The following MSH4 variants were observed in gnomAD, a reference collection of about 807,000 sequenced individuals.
The protein encoded by MSH4 is mutS homolog 4.
A neutral mutation model predicts 113.7 loss-of-function variants in MSH4; 106 were observed. That is an observed-to-expected ratio of 0.93 (90% CI 0.80 to 1.10). The LOEUF (loss-of-function observed/expected upper bound fraction) is 1.10, where lower values mean the gene tolerates loss of function less well. MSH4 is among the 50% of genes least tolerant of loss of function. The pLI, the probability that MSH4 is intolerant of heterozygous loss-of-function variation, is 0.00. For missense variants in MSH4, 1,061 were observed against 1,093.7 expected, an observed-to-expected ratio of 0.97 and a Z score of 0.42; for synonymous variants, 368 against 380.2, an observed-to-expected ratio of 0.97 and a Z score of 0.37.
intron 4 of MSH4, among the ~76,000 whole-genome samples, chr1:75,812,777 C>G (rs1047223499): frequency 6.6e-6 from 1 of 152,106 alleles, no homozygotes; most frequent in Non-Finnish European, 1.5e-5. Context: ...GGATAGGAGA[C>G]AGGGACCCTA....
Position 75,890,775 on chromosome 1 carries a change from A to G in MSH4, c.2306A>G (p.Glu769Gly). Residue 769 changes from glutamate to glycine, a missense_variant, in exon 17 of 20, where the codon GAA becomes GGA. Glu to Gly is a moderately conservative substitution (Grantham distance 98). Coordinates refer to ENST00000263187, the MANE Select transcript of MSH4 (RefSeq NM_002440.4). ...CTTGGCAGAGGTACTAATACGGAAGAAGGTATTGGCATTTGTTATGCTGTT... is the reference window on the plus strand; with the variant it reads ...CTTGGCAGAGGTACTAATACGGAAGGAGGTATTGGCATTTGTTATGCTGTT... ...DELGRGTNTE[E>G]GIGICYAVCE... 6.2e-7 allele frequency: 1 copy of G among 1,610,358 alleles called. No individual in the cohort carries two copies. The highest frequency in any genetic ancestry group is 8.5e-7 in the Non-Finnish European group (1 of 1,178,042).
intron 14 of MSH4, among the ~76,000 whole-genome samples, chr1:75,883,012 TA>T (rs1477390779): frequency 2.0e-5 from 3 of 152,004 alleles, no homozygotes; most frequent in Non-Finnish European, 4.4e-5. Flanking sequence ...TTTTTATTTT[TA>T]TTTTTTTTTG....
chr1:75,896,247 C>G (rs1380102278), intron 17 of MSH4, among the ~76,000 whole-genome samples: 1 of 151,990 alleles, frequency 6.6e-6, no homozygotes, highest in Non-Finnish European at 1.5e-5. Flanking sequence ...TCCATCAACT[C>G]TCTTGGGTCT....
chr1:75,797,710 TCACTTGAGGCCGGGAGTTC>T (rs1353707121), intron 1 of MSH4, among the ~76,000 whole-genome samples: 1 of 152,160 alleles, frequency 6.6e-6, no homozygotes, highest in East Asian at 1.9e-4. Context: ...GGTGGGCGGA[TCACTTGAGGCCGGGAGTTC>T]CACACCAGCC....
At chr1:75,899,507 C>T (rs1167291043) in intron 18 of MSH4, 111 bp from the exon 19 acceptor site, 1 of 548,074 alleles carries the variant, frequency 1.8e-6, no homozygotes, top group Non-Finnish European at 3.1e-6. Context: ...TCAGAAGTGC[C>T]TCTAGAAGGG....
intron 9 of MSH4, among the ~76,000 whole-genome samples, chr1:75,871,728 C>G (rs139199118): frequency 5.3e-5 from 8 of 152,130 alleles, no homozygotes; most frequent in Admixed American, 3.9e-4. Flanking sequence ...AACACTACTT[C>G]TAGAGATTTG....
rs376418789 is a variant in MSH4 at position 75,808,445 on chromosome 1, T to C, written c.588+1304T>C. Among the ~76,000 whole-genome samples the C allele has an allele frequency of 3.9e-4, 59 of 152,360 alleles. 1 individual carries two copies. The highest frequency in any genetic ancestry group is 1.4e-3 in the African/African-American group (58 of 41,584). Reference sequence around the variant, plus strand: ...GTGTAAAGTGGCCTATGAAGTGTACTGTTCTGTTTTTATATGTTTCTCAAA... The same window carrying C: ...GTGTAAAGTGGCCTATGAAGTGTACCGTTCTGTTTTTATATGTTTCTCAAA... On this transcript the variant is annotated intron_variant, in intron 3 of 19. Coordinates refer to ENST00000263187, the MANE Select transcript of MSH4 (RefSeq NM_002440.4).
intron 7 of MSH4, among the ~76,000 whole-genome samples, chr1:75,829,591 C>T (rs2100528403): frequency 6.6e-6 from 1 of 152,300 alleles, no homozygotes; most frequent in East Asian, 1.9e-4. Flanking sequence ...ACAAAGCTTC[C>T]AGAGGAAGAA....
chr1:75,880,321 T>C (rs1237286067), intron 13 of MSH4, among the ~76,000 whole-genome samples, 168 bp downstream of exon 13: 1 of 152,136 alleles, frequency 6.6e-6, no homozygotes, highest in Admixed American at 6.6e-5. Context: ...TCACAGAAGC[T>C]TCGGGGAAGA....
Position 75,859,737 on chromosome 1 carries a change from G to C in MSH4, c.1231-7777G>C, listed in dbSNP as rs562199539. Among the ~76,000 whole-genome samples the C allele has an allele frequency of 2.9e-4, 44 of 152,276 alleles. No homozygotes were observed. In the East Asian group the frequency reaches 4.1e-3, roughly 14 times the overall value. On this transcript the variant is annotated intron_variant, in intron 8 of 19. Coordinates refer to ENST00000263187, the MANE Select transcript of MSH4 (RefSeq NM_002440.4). The stretch of plus-strand genomic sequence containing the variant: ...TGGTGCTGAGAAGAATGTATATTCT[G>C]TTTATTTGGGGTGGAGAGTTCTGTA...
Position 75,882,663 on chromosome 1 carries a change from TAAAAAAAA to T in MSH4, c.1907-939_1907-932del, listed in dbSNP as rs35936506. On this transcript the variant is annotated intron_variant, in intron 14 of 19. Coordinates refer to ENST00000263187, the MANE Select transcript of MSH4 (RefSeq NM_002440.4). ...GGGCAACATAGCTAGACCTCATTTC[TAAAAAAAA>T]AAAAAAAAAAAAAAAAAATCGGTGA... 1.4e-4 allele frequency among the ~76,000 whole-genome samples: 17 copies of T among 123,814 alleles called. 2 individuals are homozygous for T. Among genetic ancestry groups the T allele is most frequent in the African/African-American group, 1.5e-4 (5 of 33,442 alleles). The allele number at this position is 123,814 out of a possible 152,430, so 81.2% of individuals were successfully genotyped here.
rs557531056 is a variant in MSH4 at position 75,869,473 on chromosome 1, T to C, written c.1305+1885T>C. Among the ~76,000 whole-genome samples the C allele has an allele frequency of 2.0e-5, 3 of 152,324 alleles. No homozygotes were observed. In the South Asian group the frequency reaches 6.2e-4, roughly 32 times the overall value. ...CAATGGGGAAAATGTCTCCAGGTCA[T>C]GTCAGAGACCTTTATGGCAGCCCCT... On this transcript the variant is annotated intron_variant, in intron 9 of 19. Transcript: ENST00000263187.
chr1:75,871,137 T>C (rs890433506), intron 9 of MSH4, among the ~76,000 whole-genome samples: 2 of 152,116 alleles, frequency 1.3e-5, no homozygotes, highest in African/African-American at 4.8e-5. Context: ...GGCACCTTTG[T>C]TACAAGGCAG....
At chr1:75,818,345 C>T (rs939907325) in intron 6 of MSH4, among the ~76,000 whole-genome samples, 1 of 152,180 alleles carries the variant, frequency 6.6e-6, no homozygotes, top group South Asian at 2.1e-4. Context: ...CAAAGCTCCA[C>T]TAACCTTGAT....
intron 7 of MSH4, among the ~76,000 whole-genome samples, chr1:75,841,913 A>T (rs1273162819): frequency 6.6e-6 from 1 of 152,240 alleles, no homozygotes; most frequent in Non-Finnish European, 1.5e-5. Flanking sequence ...CTATTGGCGA[A>T]AAGAGCCAAA....
At chr1:75,802,241 C>T (rs1048203661) in intron 1 of MSH4, among the ~76,000 whole-genome samples, 6 of 151,994 alleles carry the variant, frequency 3.9e-5, no homozygotes, top group Admixed American at 6.6e-5. Flanking sequence ...CAGCTATATA[C>T]GAAGGCTTGA....
intron 9 of MSH4, among the ~76,000 whole-genome samples, chr1:75,874,094 T>C (rs1194261066): frequency 6.6e-6 from 1 of 152,218 alleles, no homozygotes; most frequent in East Asian, 1.9e-4. Flanking sequence ...CGTTGTTTTT[T>C]GACTTTTTAA....
intron 8 of MSH4, among the ~76,000 whole-genome samples, chr1:75,862,939 A>T (rs1651490090): frequency 6.6e-6 from 1 of 152,112 alleles, no homozygotes; most frequent in African/African-American, 2.4e-5. Flanking sequence ...TCTTAACACA[A>T]TTTTCTTTCT....
In MSH4 at chr1:75,797,139, A is replaced by G. The variant is rs780968499; in HGVS notation, c.154A>G (p.Thr52Ala). The change falls in exon 1 of 20, where the codon ACC (threonine) becomes GCC (alanine). Residue 52 changes from threonine to alanine, a missense_variant. Coordinates refer to ENST00000263187, the MANE Select transcript of MSH4 (RefSeq NM_002440.4). ...TTCGGTCCAGGTGGTCTCTGCATCC[A>G]CCTGTCCTGGCACGTCAGGAGCTGC... Reference protein sequence around the residue: ...RPSVQVVSASTCPGTSGAAGD... With the variant: ...RPSVQVVSASACPGTSGAAGD... 1 of 1,613,570 alleles carries G rather than the reference A, an allele frequency of 6.2e-7. No individual in the cohort carries two copies. Among genetic ancestry groups the G allele is most frequent in the Non-Finnish European group, 8.5e-7 (1 of 1,179,748 alleles).
Sources: allele counts gnomAD v4.1 joint callset (sites outside exome capture counted in the v4.1 genomes callset), GRCh38; gene constraint gnomAD v4.1.1; transcripts MANE v1.5; gene names NCBI Gene and HGNC (gene_info 2026-07-23, HGNC 2026-07-21).